The following RABGAP1L variants were observed in gnomAD, a reference collection of about 807,000 sequenced individuals.
RABGAP1L encodes rab GTPase-activating protein 1-like.
In RABGAP1L, 63 loss-of-function variants were observed where a neutral mutation model predicts 137.7. The observed-to-expected ratio is 0.46, with a 90% CI of 0.37 to 0.56. The LOEUF is 0.56. Among genes scored for constraint, RABGAP1L ranks in the 20% least tolerant of loss-of-function variants. The pLI, the probability that RABGAP1L is intolerant of heterozygous loss-of-function variation, is 0.00. For missense variants in RABGAP1L, 1,095 were observed against 1,244.0 expected (o/e 0.88, Z 1.80); for synonymous variants, 431 against 433.7 (o/e 0.99, Z 0.08).
At chr1:174,615,722 G>T (rs1442219094) in intron 13 of RABGAP1L, among the ~76,000 whole-genome samples, 2 of 152,186 alleles carry the variant, frequency 1.3e-5, no homozygotes, top group Non-Finnish European at 2.9e-5. Context: ...GAGCTGTGGT[G>T]GGCTCCATCC....
rs1046999838 is a variant in RABGAP1L at position 174,334,485 on chromosome 1, T to C, written c.1465+29358T>C. On this transcript the variant is annotated intron_variant, in intron 11 of 25. Coordinates refer to ENST00000681986, the MANE Select transcript of RABGAP1L (RefSeq NM_001366446.1). ...TACTTAGCCAAAGTTCTGTTTACCATGATTCACAAAACCATACATAATCTT... is the reference window on the plus strand; with the variant it reads ...TACTTAGCCAAAGTTCTGTTTACCACGATTCACAAAACCATACATAATCTT... 2.0e-5 allele frequency among the ~76,000 whole-genome samples: 3 copies of C among 152,254 alleles called. No individual in the cohort carries two copies. The East Asian group carries it at 5.8e-4, about 29-fold the overall frequency.
At chr1:174,181,679 T>A (rs902976639) in intron 1 of RABGAP1L, among the ~76,000 whole-genome samples, 1 of 152,152 alleles carries the variant, frequency 6.6e-6, no homozygotes, top group East Asian at 1.9e-4. Context: ...TTGGTATCCA[T>A]GGGGGATCCT....
intron 1 of RABGAP1L, among the ~76,000 whole-genome samples, chr1:174,181,327 T>C (rs539228905): frequency 6.6e-6 from 1 of 151,010 alleles, no homozygotes; most frequent in East Asian, 1.9e-4. Flanking sequence ...TATACAAGGG[T>C]CTTTCTTTTT....
chr1:174,755,198 A>C (rs1384165463), intron 18 of RABGAP1L, among the ~76,000 whole-genome samples: 1 of 152,170 alleles, frequency 6.6e-6, no homozygotes, highest in Non-Finnish European at 1.5e-5. Context: ...TCTGAACGGG[A>C]CCAACTTCTT....
chr1:174,567,993 A>C (rs149614462), intron 13 of RABGAP1L, among the ~76,000 whole-genome samples: 70 of 152,292 alleles, frequency 4.6e-4, no homozygotes, highest in Non-Finnish European at 6.9e-4. Context: ...CATTGATATA[A>C]AGGAATACCT....
chr1:174,557,421 C>A (rs1666947964), intron 13 of RABGAP1L, among the ~76,000 whole-genome samples: 1 of 152,176 alleles, frequency 6.6e-6, no homozygotes, highest in East Asian at 1.9e-4. Flanking sequence ...ACCAGAGTAT[C>A]CTCCAGAAAT....
chr1:174,247,355 C>T (rs949319026), intron 5 of RABGAP1L, among the ~76,000 whole-genome samples: 3 of 152,142 alleles, frequency 2.0e-5, no homozygotes, highest in Admixed American at 2.0e-4. Context: ...AGAGTCATGG[C>T]CCAAAACCCC....
chr1:174,192,886 C>T (rs77031172), intron 1 of RABGAP1L, among the ~76,000 whole-genome samples: 2,018 of 152,218 alleles, frequency 0.013, 47 homozygotes, highest in African/African-American at 0.045. Context: ...ACAATGCTGT[C>T]GTTACTGTAG....
chr1:174,862,778 G>A (rs1281771434), intron 19 of RABGAP1L, among the ~76,000 whole-genome samples: 1 of 152,088 alleles, frequency 6.6e-6, no homozygotes, highest in Non-Finnish European at 1.5e-5. Flanking sequence ...TAGGTATCTA[G>A]TAAAGGCTTG....
intron 15 of RABGAP1L, among the ~76,000 whole-genome samples, chr1:174,685,348 G>C (rs1678380219): frequency 6.6e-6 from 1 of 152,020 alleles, no homozygotes; most frequent in African/African-American, 2.4e-5. Context: ...CGCCTCCCCT[G>C]TTCACTCCAT....
At chr1:174,500,725 ATAT>A (rs1466764585) in intron 13 of RABGAP1L, among the ~76,000 whole-genome samples, 1 of 152,192 alleles carries the variant, frequency 6.6e-6, no homozygotes, top group East Asian at 1.9e-4. Context: ...TCTGATATAG[ATAT>A]TATTATCCAT....
intron 13 of RABGAP1L, among the ~76,000 whole-genome samples, chr1:174,425,602 T>C (rs1361414930): frequency 1.3e-5 from 2 of 151,964 alleles, no homozygotes; most frequent in Non-Finnish European, 2.9e-5. Context: ...ACTAACAGAG[T>C]TTTATAAAAT....
chr1:174,733,099 A>G (rs1682636109), intron 17 of RABGAP1L, among the ~76,000 whole-genome samples: 1 of 152,140 alleles, frequency 6.6e-6, no homozygotes. Context: ...GTTGATTCAG[A>G]CCTAGGAAGG....
At chr1:174,981,726 G>T (rs577925385) in intron 23 of RABGAP1L, among the ~76,000 whole-genome samples, 9 of 151,654 alleles carry the variant, frequency 5.9e-5, no homozygotes, top group Non-Finnish European at 1.2e-4. Flanking sequence ...TCAGACAATG[G>T]ATTTGAACAT....
At chr1:174,350,086 G>T (rs1373096887) in intron 11 of RABGAP1L, among the ~76,000 whole-genome samples, 2 of 137,726 alleles carry the variant, frequency 1.5e-5, no homozygotes, top group East Asian at 4.9e-4. Context: ...CTGGGCGGGG[G>T]GCTGACCCCC....
At chr1:174,180,022 GT>G (rs1666221817) in intron 1 of RABGAP1L, among the ~76,000 whole-genome samples, 1 of 152,198 alleles carries the variant, frequency 6.6e-6, no homozygotes, top group South Asian at 2.1e-4. Context: ...ATTGAAACAT[GT>G]TTTATAATGC....
chr1:174,635,538 C>G (rs907232193), intron 13 of RABGAP1L, among the ~76,000 whole-genome samples: 2 of 152,052 alleles, frequency 1.3e-5, no homozygotes, highest in Non-Finnish European at 2.9e-5. Context: ...ATTCTATACC[C>G]CCACCCCACC....
At chr1:174,835,544 T>C (rs1406248728) in intron 19 of RABGAP1L, among the ~76,000 whole-genome samples, 3 of 152,192 alleles carry the variant, frequency 2.0e-5, no homozygotes, top group Admixed American at 2.0e-4. Flanking sequence ...AGTAAAATAT[T>C]CGGAGAGAGA....
chr1:174,763,104 C>G (rs1263348271), intron 18 of RABGAP1L, among the ~76,000 whole-genome samples: 1 of 151,896 alleles, frequency 6.6e-6, no homozygotes, highest in Non-Finnish European at 1.5e-5. Flanking sequence ...CATGAGCCAC[C>G]GTGCCTGGCC....
Sources: gnomAD v4.1 joint callset for allele counts (sites outside exome capture counted in the v4.1 genomes callset) on GRCh38, gnomAD v4.1.1 for gene constraint, MANE v1.5 for transcripts, NCBI Gene and HGNC (gene_info 2026-07-23, HGNC 2026-07-21) for gene names.